The following CHCHD6 variants were observed in gnomAD, a reference collection of about 807,000 sequenced individuals.
CHCHD6 encodes coiled-coil-helix-coiled-coil-helix domain containing 6, also known as MICOS complex subunit MIC25.
Under a neutral mutation model 32.3 loss-of-function variants are expected in CHCHD6, and 28 were observed. The ratio of observed to expected loss-of-function variants is 0.87; its 90% CI spans 0.64 to 1.19. The LOEUF (loss-of-function observed/expected upper bound fraction) is 1.19. CHCHD6 is among the 50% of genes most tolerant of loss of function. The pLI is 0.00. For synonymous variants in CHCHD6, 122 were observed against 117.5 expected (o/e 1.04, Z -0.25); for missense variants, 333 against 307.0 (o/e 1.08, Z -0.63).
intron 5 of CHCHD6, among the ~76,000 whole-genome samples, chr3:126,865,006 TCCA>T (rs200381452): frequency 5.2e-4 from 74 of 143,180 alleles, no homozygotes; most frequent in Non-Finnish European, 8.7e-4. Flanking sequence ...CTTTTCTTCC[TCCA>T]CCACCACCAC....
chr3:126,924,056 G>C (rs2078290088), intron 6 of CHCHD6, among the ~76,000 whole-genome samples: 1 of 152,200 alleles, frequency 6.6e-6, no homozygotes, highest in African/African-American at 2.4e-5. Flanking sequence ...ATCGGAGGCA[G>C]CCTCATACCT....
chr3:126,944,004 G>A (rs1412453531), intron 6 of CHCHD6, among the ~76,000 whole-genome samples: 1 of 152,228 alleles, frequency 6.6e-6, no homozygotes, highest in Non-Finnish European at 1.5e-5. Flanking sequence ...GATAACATAG[G>A]AGAAAAAGAT....
intron 4 of CHCHD6, among the ~76,000 whole-genome samples, chr3:126,771,314 C>T (rs989512288): frequency 6.6e-6 from 1 of 151,926 alleles, no homozygotes; most frequent in East Asian, 1.9e-4. Context: ...AGGCAATTCC[C>T]CTGCCTCAGC....
chr3:126,806,474 A>G (rs1559855639), intron 4 of CHCHD6, among the ~76,000 whole-genome samples: 1 of 152,184 alleles, frequency 6.6e-6, no homozygotes, highest in African/African-American at 2.4e-5. Flanking sequence ...CCATCAGAGA[A>G]ATGCAAATCA....
chr3:126,947,490 G>A (rs905478864), intron 6 of CHCHD6, among the ~76,000 whole-genome samples: 6 of 152,160 alleles, frequency 3.9e-5, no homozygotes, highest in Non-Finnish European at 8.8e-5. Flanking sequence ...CTCATGTGGC[G>A]GTGCAGAGAG....
chr3:126,845,269 G>A (rs527708647), intron 4 of CHCHD6, among the ~76,000 whole-genome samples: 5 of 152,228 alleles, frequency 3.3e-5, no homozygotes, highest in Non-Finnish European at 7.4e-5. Flanking sequence ...TGTTTTTGGT[G>A]GGGGAGAGTG....
intron 5 of CHCHD6, among the ~76,000 whole-genome samples, chr3:126,863,735 C>T (rs1396467072): frequency 2.0e-5 from 3 of 148,782 alleles, no homozygotes; most frequent in Non-Finnish European, 4.5e-5. Context: ...TCCTCCTCCT[C>T]CATCACCACC....
intron 4 of CHCHD6, among the ~76,000 whole-genome samples, chr3:126,738,758 G>T (rs191359137): frequency 6.6e-6 from 1 of 152,318 alleles, no homozygotes; most frequent in African/African-American, 2.4e-5. Context: ...TATAGAATGG[G>T]TGACAATTCA....
At chr3:126,846,675 C>T (rs571321941) in intron 4 of CHCHD6, among the ~76,000 whole-genome samples, 1 of 152,328 alleles carries the variant, frequency 6.6e-6, no homozygotes, top group South Asian at 2.1e-4. Context: ...TATATCTTCA[C>T]ACGTGATATT....
intron 6 of CHCHD6, among the ~76,000 whole-genome samples, chr3:126,943,640 T>C (rs762043228): frequency 6.6e-6 from 1 of 152,190 alleles, no homozygotes; most frequent in Non-Finnish European, 1.5e-5. Context: ...GGAGGACCTC[T>C]TTGGCCTCCT....
At chr3:126,892,254 G>T (rs1302519755) in intron 5 of CHCHD6, among the ~76,000 whole-genome samples, 1 of 152,190 alleles carries the variant, frequency 6.6e-6, no homozygotes. Flanking sequence ...TCTCTCTCAT[G>T]AGAGCTGGTT....
chr3:126,936,019 A>G (rs2078475915), intron 6 of CHCHD6, among the ~76,000 whole-genome samples: 2 of 152,238 alleles, frequency 1.3e-5, no homozygotes, highest in East Asian at 1.9e-4. Flanking sequence ...GGCCGCTCCT[A>G]TGGAATGTAC....
At chr3:126,818,237 A>G (rs965547761) in intron 4 of CHCHD6, among the ~76,000 whole-genome samples, 3 of 152,198 alleles carry the variant, frequency 2.0e-5, no homozygotes, top group African/African-American at 7.2e-5. Flanking sequence ...CACCTTTTAA[A>G]TAATTATTTG....
chr3:126,897,309 T>C (rs1399101070), intron 5 of CHCHD6, among the ~76,000 whole-genome samples: 1 of 152,214 alleles, frequency 6.6e-6, no homozygotes, highest in Non-Finnish European at 1.5e-5. Context: ...TTCACAAGCA[T>C]GCCATGGTAT....
At chr3:126,710,337 G>A (rs1442531291) in intron 1 of CHCHD6, among the ~76,000 whole-genome samples, 1 of 152,132 alleles carries the variant, frequency 6.6e-6, no homozygotes, top group African/African-American at 2.4e-5. Context: ...CTGTCATGCT[G>A]ATTATTGTGG....
chr3:126,767,082 G>A (rs557677451), intron 4 of CHCHD6: 124 of 1,167,978 alleles, frequency 1.1e-4, no homozygotes, highest in Non-Finnish European at 1.4e-4. Context: ...TACTCTGTCC[G>A]CCGTGCCCGG....
At chr3:126,766,828 T>C in intron 4 of CHCHD6, 1 of 979,414 alleles carries the variant, frequency 1.0e-6, no homozygotes, top group Non-Finnish European at 1.7e-6. Flanking sequence ...GTAACCAGTA[T>C]AGATCTGGGA....
chr3:126,863,792 TCTCCTCCTCTACCATCATCACCAC>T (rs1559889252), intron 5 of CHCHD6, among the ~76,000 whole-genome samples: 2 of 21,470 alleles, frequency 9.3e-5, no homozygotes, highest in African/African-American at 2.0e-4. Context: ...ATCAGCACCT[TCTCCTCCTCTACCATCATCACCAC>T]CTCCTCCTCT....
chr3:126,850,530 G>A (rs899672017), intron 4 of CHCHD6, among the ~76,000 whole-genome samples: 2 of 152,122 alleles, frequency 1.3e-5, no homozygotes, highest in South Asian at 2.1e-4. Flanking sequence ...TGGTAGCCAC[G>A]GCCCAGAGGA....
Sources: allele counts gnomAD v4.1 joint callset (sites outside exome capture counted in the v4.1 genomes callset), GRCh38; gene constraint gnomAD v4.1.1; transcripts MANE v1.5; gene names NCBI Gene and HGNC (gene_info 2026-07-23, HGNC 2026-07-21).